The following DMRT1 variants were observed in gnomAD, a reference collection of about 807,000 sequenced individuals.
The protein encoded by DMRT1 is doublesex and mab-3 related transcription factor 1, also known as doublesex- and mab-3-related transcription factor 1.
Under a neutral mutation model 32.3 loss-of-function variants are expected in DMRT1, and 7 were observed. The ratio of observed to expected loss-of-function variants is 0.22; its 90% confidence interval spans 0.12 to 0.41. DMRT1 has a LOEUF of 0.41. DMRT1 is among the 10% of genes least tolerant of loss of function. DMRT1 has a pLI of 1.00. For missense variants in DMRT1, 625 were observed against 500.5 expected (o/e 1.25, Z -2.37); for synonymous variants, 278 against 206.1 (o/e 1.35, Z -2.99).
intron 2 of DMRT1, among the ~76,000 whole-genome samples, chr9:859,892 A>G (rs769359138): frequency 6.6e-6 from 1 of 152,240 alleles, no homozygotes; most frequent in Non-Finnish European, 1.5e-5. Flanking sequence ...TGCTTCAGCC[A>G]TCCATTGCCA....
At chr9:883,103 A>G (rs1409554621) in intron 2 of DMRT1, among the ~76,000 whole-genome samples, 1 of 151,664 alleles carries the variant, frequency 6.6e-6, no homozygotes, top group Non-Finnish European at 1.5e-5. Context: ...CACTCTTTCC[A>G]GATTCCATAC....
At position 887,844 on chromosome 9, in the gene DMRT1, G is replaced by A. The variant is rs73639467; in HGVS notation, c.539-6068G>A. Among the ~76,000 whole-genome samples the A allele has an allele frequency of 7.2e-3, 1,099 of 152,232 alleles. 11 individuals carry two copies. Among genetic ancestry groups the A allele is most frequent in the African/African-American group, 0.025 (1,057 of 41,544 alleles). On this transcript the variant is annotated intron_variant, in intron 2 of 4. Coordinates refer to ENST00000382276, the MANE Select transcript of DMRT1 (RefSeq NM_021951.3). Reference sequence around the variant, plus strand: ...TGCACCTAATTTCCCCAAATAGATGGCAAATTCTTAAGAAAAAATGTAATG... The same window carrying A: ...TGCACCTAATTTCCCCAAATAGATGACAAATTCTTAAGAAAAAATGTAATG...
chr9:879,503 T>C lies in DMRT1; in HGVS notation c.539-14409T>C, dbSNP rs550496175. Among the ~76,000 whole-genome samples, 78 of 152,292 alleles carry C rather than the reference T, an allele frequency of 5.1e-4. 1 individual carries two copies. The South Asian group carries it at 0.015, about 30-fold the overall frequency. ...TGCTTCAGGTAGGCTGTTGTTCTAA[T>C]GGAAATACAGGAAGAAAATTCAGCT... On this transcript the variant is annotated intron_variant, in intron 2 of 4. Coordinates refer to ENST00000382276, the MANE Select transcript of DMRT1 (RefSeq NM_021951.3).
In DMRT1 at chr9:842,235, T is replaced by G. The variant is rs1157652293; in HGVS notation, c.354+43T>G. 2.0e-5 allele frequency: 29 copies of G among 1,437,998 alleles called. No homozygotes were observed. In the East Asian group the frequency reaches 6.0e-4, roughly 30 times the overall value. The allele number at this position is 1,437,998 out of a possible 1,614,324, so 89.1% of individuals were successfully genotyped here. ...GGAGCCCGGGTTCAGCCTTAGTTTT[T>G]TTTTTTTTTTTTTTTTTTAGATGGA... On this transcript the variant is annotated intron_variant, in intron 1 of 4. Coordinates refer to ENST00000382276, the MANE Select transcript of DMRT1 (RefSeq NM_021951.3).
intron 3 of DMRT1, chr9:894,591 C>T (rs902983896): frequency 2.3e-5 from 7 of 302,502 alleles, no homozygotes; most frequent in African/African-American, 6.5e-5. Context: ...TCCCCACTTT[C>T]GTTGGGCACC....
chr9:957,100 C>T (rs1819625507), intron 4 of DMRT1, among the ~76,000 whole-genome samples: 1 of 152,218 alleles, frequency 6.6e-6, no homozygotes, highest in Non-Finnish European at 1.5e-5. Context: ...CCTTGCCTCC[C>T]CGCCAGTAGT....
chr9:902,582 G>T (rs7866486), intron 3 of DMRT1, among the ~76,000 whole-genome samples: 1 of 150,994 alleles, frequency 6.6e-6, no homozygotes, highest in African/African-American at 2.4e-5. Context: ...TCTGCCTCCC[G>T]GGTTCAAGCG....
intron 4 of DMRT1, among the ~76,000 whole-genome samples, chr9:954,323 G>T (rs1213609540): frequency 6.6e-6 from 1 of 152,034 alleles, no homozygotes; most frequent in Non-Finnish European, 1.5e-5. Flanking sequence ...GGACCGGATA[G>T]GGCACCAGAT....
chr9:915,218 G>A (rs11789691), intron 3 of DMRT1, among the ~76,000 whole-genome samples: 15,664 of 152,132 alleles, frequency 0.1, 965 homozygotes, highest in South Asian at 0.17. Context: ...CAGCTCTGTT[G>A]TTGCCGTGAA....
At chr9:950,012 G>C (rs1294375202) in intron 4 of DMRT1, among the ~76,000 whole-genome samples, 4 of 152,174 alleles carry the variant, frequency 2.6e-5, no homozygotes, top group Non-Finnish European at 5.9e-5. Flanking sequence ...GACTAGTGCT[G>C]CAGTAAATAT....
At chr9:843,204 G>A (rs1838763472) in intron 1 of DMRT1, among the ~76,000 whole-genome samples, 1 of 152,218 alleles carries the variant, frequency 6.6e-6, no homozygotes, top group Admixed American at 6.5e-5. Context: ...CTAGGTTAGC[G>A]GGAAAGGGAG....
intron 4 of DMRT1, among the ~76,000 whole-genome samples, chr9:963,062 T>G (rs1325189571): frequency 2.0e-5 from 3 of 152,178 alleles, no homozygotes; most frequent in African/African-American, 7.2e-5. Context: ...TGCATAAATA[T>G]GTACTTTCTG....
At chr9:883,840 C>T (rs976575954) in intron 2 of DMRT1, among the ~76,000 whole-genome samples, 7 of 151,662 alleles carry the variant, frequency 4.6e-5, no homozygotes, top group African/African-American at 1.5e-4. Flanking sequence ...GCTATACCCT[C>T]GTAGCGCTCA....
rs1196806348 is a variant in DMRT1, at chr9:871,827, T to C, written c.539-22085T>C. ...ATTTCTTTTGGAAGATGGCCCAGCA[T>C]TTTTGTCTGATTCTTCAAGGAGTCT... On this transcript the variant is annotated intron_variant, in intron 2 of 4. Coordinates refer to ENST00000382276, the MANE Select transcript of DMRT1 (RefSeq NM_021951.3). Among the ~76,000 whole-genome samples the C allele has an allele frequency of 3.3e-5, 5 of 151,210 alleles. 1 individual carries two copies. Among genetic ancestry groups the C allele is most frequent in the African/African-American group, 9.9e-5 (4 of 40,580 alleles).
chr9:847,249 C>T, intron 2 of DMRT1, 106 bp downstream of exon 2: 1 of 1,214,264 alleles, frequency 8.2e-7, no homozygotes, highest in Non-Finnish European at 1.2e-6. Flanking sequence ...GTGTTTAGAG[C>T]TTAGAGGATT....
intron 4 of DMRT1, among the ~76,000 whole-genome samples, chr9:950,848 T>C (rs2129954004): frequency 6.6e-6 from 1 of 152,346 alleles, no homozygotes; most frequent in Admixed American, 6.5e-5. Context: ...TTGCTTTCTG[T>C]CTTTTTCTAT....
At chr9:851,281 C>G (rs555652277) in intron 2 of DMRT1, among the ~76,000 whole-genome samples, 1 of 152,086 alleles carries the variant, frequency 6.6e-6, no homozygotes, top group Non-Finnish European at 1.5e-5. Flanking sequence ...CTCTATCGCC[C>G]AGGCTGGAGT....
At chr9:859,100 C>T (rs962888483) in intron 2 of DMRT1, among the ~76,000 whole-genome samples, 1 of 152,022 alleles carries the variant, frequency 6.6e-6, no homozygotes, top group Admixed American at 6.6e-5. Flanking sequence ...CTTGAAAGTT[C>T]CCTGGCTTCT....
At chr9:866,056 C>G (rs964111831) in intron 2 of DMRT1, among the ~76,000 whole-genome samples, 1 of 146,492 alleles carries the variant, frequency 6.8e-6, no homozygotes, top group Non-Finnish European at 1.5e-5. Flanking sequence ...CCCAGCTGCT[C>G]AGGAGGCTGA....
Sources: allele counts gnomAD v4.1 joint callset (sites outside exome capture counted in the v4.1 genomes callset), GRCh38; gene constraint gnomAD v4.1.1; transcripts MANE v1.5; gene names NCBI Gene and HGNC (gene_info 2026-07-23, HGNC 2026-07-21).